Variants in CNBD1 observed in about 807,000 individuals in gnomAD.
CNBD1 encodes cyclic nucleotide binding domain containing 1.
Under a neutral mutation model 54.4 loss-of-function variants are expected in CNBD1, and 71 were observed. That is an observed-to-expected ratio of 1.30 (90% CI 1.08 to 1.59). The LOEUF is 1.59. Among genes scored for constraint, CNBD1 ranks in the 40% most tolerant of loss-of-function variants. The pLI is 0.00. For synonymous variants in CNBD1, 182 were observed against 170.7 expected (o/e 1.07, Z -0.51); for missense variants, 659 against 518.0 (o/e 1.27, Z -2.64).
chr8:87,184,882 G>C lies in CNBD1; in HGVS notation c.432-21111G>C, dbSNP rs1217343160. On this transcript the variant is annotated intron_variant, in intron 4 of 10. Transcript: ENST00000518476. Reference sequence around the variant, plus strand: ...CTATTTCCTTGTATATTTTCTTATAGCTACTATTTTAGTTGCATCTCCAAG... The same window carrying C: ...CTATTTCCTTGTATATTTTCTTATACCTACTATTTTAGTTGCATCTCCAAG... Among the ~76,000 whole-genome samples the C allele has an allele frequency of 2.0e-5, 3 of 151,972 alleles. No individual in the cohort carries two copies. In the East Asian group the frequency reaches 5.8e-4, roughly 29 times the overall value.
intron 4 of CNBD1, among the ~76,000 whole-genome samples, chr8:87,119,075 A>C (rs983403841): frequency 3.9e-5 from 6 of 152,206 alleles, no homozygotes; most frequent in Admixed American, 3.9e-4. Flanking sequence ...ATGTGAGAAC[A>C]CAGGCCTTTT....
At chr8:87,399,786 A>C (rs573559387) in intron 2 of CNBD1, among the ~76,000 whole-genome samples, 6 of 151,948 alleles carry the variant, frequency 3.9e-5, no homozygotes, top group Non-Finnish European at 8.8e-5. Context: ...GTGCTTGGAC[A>C]GTGATTATTT....
chr8:87,348,662 G>T (rs941142498), intron 8 of CNBD1, among the ~76,000 whole-genome samples: 1 of 152,110 alleles, frequency 6.6e-6, no homozygotes, highest in South Asian at 2.1e-4. Flanking sequence ...GTAGGCTGAG[G>T]TTTATCTTAA....
chr8:87,327,887 A>C (rs949845898), intron 8 of CNBD1, among the ~76,000 whole-genome samples: 2 of 151,902 alleles, frequency 1.3e-5, no homozygotes, highest in African/African-American at 2.4e-5. Context: ...TACTATCTTT[A>C]ATCCATTTTT....
At chr8:87,236,844 AAT>A in intron 5 of CNBD1, 73 bp from the exon 6 acceptor site, 1 of 784,204 alleles carries the variant, frequency 1.3e-6, no homozygotes, top group Non-Finnish European at 2.0e-6. Flanking sequence ...CCGTAAGTGT[AAT>A]ATATATATTA....
chr8:87,063,500 C>T (rs1052787577), intron 4 of CNBD1, among the ~76,000 whole-genome samples: 1 of 151,992 alleles, frequency 6.6e-6, no homozygotes, highest in South Asian at 2.1e-4. Flanking sequence ...TAGTTTTATG[C>T]TGACATTGTA....
intron 4 of CNBD1, among the ~76,000 whole-genome samples, chr8:87,189,218 T>C (rs1435811806): frequency 1.3e-5 from 2 of 152,204 alleles, no homozygotes; most frequent in Non-Finnish European, 2.9e-5. Flanking sequence ...TACCCTTTTT[T>C]GTGTGGCTAT....
At chr8:87,014,710 G>A (rs1809317187) in intron 4 of CNBD1, among the ~76,000 whole-genome samples, 1 of 151,460 alleles carries the variant, frequency 6.6e-6, no homozygotes, top group Admixed American at 6.6e-5. Context: ...AAAAATTATA[G>A]GAATACTTTT....
intron 4 of CNBD1, among the ~76,000 whole-genome samples, chr8:87,090,208 A>T (rs1308631423): frequency 6.6e-6 from 1 of 152,186 alleles, no homozygotes; most frequent in African/African-American, 2.4e-5. Flanking sequence ...ATGATTTGAG[A>T]ATATGCAGGA....
At chr8:87,424,907 G>A (rs1411142071) in intron 2 of CNBD1, among the ~76,000 whole-genome samples, 1 of 152,080 alleles carries the variant, frequency 6.6e-6, no homozygotes, top group Non-Finnish European at 1.5e-5. Context: ...ATAATATCCT[G>A]CAGAGTGTTT....
At chr8:86,899,137 A>G (rs1031934583) in intron 2 of CNBD1, among the ~76,000 whole-genome samples, 1 of 152,112 alleles carries the variant, frequency 6.6e-6, no homozygotes, top group Non-Finnish European at 1.5e-5. Flanking sequence ...GCAAATACAG[A>G]GATAGAGAAC....
intron 4 of CNBD1, among the ~76,000 whole-genome samples, chr8:86,951,704 TAC>T (rs1478720093): frequency 1.3e-5 from 2 of 151,654 alleles, no homozygotes; most frequent in East Asian, 1.9e-4. Flanking sequence ...TTGTTTAATT[TAC>T]AGTTATTTTA....
chr8:87,141,919 A>T (rs1413958235), intron 4 of CNBD1, among the ~76,000 whole-genome samples: 1 of 152,150 alleles, frequency 6.6e-6, no homozygotes, highest in Non-Finnish European at 1.5e-5. Context: ...TTAAATTTAT[A>T]CTGTAATTAT....
At chr8:87,370,731 A>C (rs1331211274) in intron 10 of CNBD1, among the ~76,000 whole-genome samples, 4 of 148,810 alleles carry the variant, frequency 2.7e-5, no homozygotes, top group East Asian at 4.0e-4. Context: ...CTTTAGTTTA[A>C]TTAGATCCCA....
At chr8:87,174,775 C>T (rs1813163188) in intron 4 of CNBD1, among the ~76,000 whole-genome samples, 1 of 152,096 alleles carries the variant, frequency 6.6e-6, no homozygotes, top group Non-Finnish European at 1.5e-5. Context: ...TAAGCCATGC[C>T]TTCATTAGGG....
At chr8:87,198,109 A>G (rs1409557373) in intron 4 of CNBD1, among the ~76,000 whole-genome samples, 4 of 152,274 alleles carry the variant, frequency 2.6e-5, no homozygotes, top group Non-Finnish European at 5.9e-5. Context: ...ATATACATTT[A>G]TTCAACAAAA....
At chr8:87,389,601 A>C (rs764901779) in intron 2 of CNBD1, among the ~76,000 whole-genome samples, 2 of 152,204 alleles carry the variant, frequency 1.3e-5, no homozygotes, top group Non-Finnish European at 2.9e-5. Flanking sequence ...GTAATAAAAG[A>C]GGATACAAAC....
chr8:87,395,184 A>T (rs981892773), intron 2 of CNBD1, among the ~76,000 whole-genome samples: 1 of 151,920 alleles, frequency 6.6e-6, no homozygotes, highest in South Asian at 2.1e-4. Context: ...CTCTACTTTC[A>T]TTAGTACCAC....
intron 6 of CNBD1, among the ~76,000 whole-genome samples, chr8:87,266,835 A>G (rs567998027): frequency 3.3e-5 from 5 of 152,182 alleles, no homozygotes; most frequent in African/African-American, 9.6e-5. Flanking sequence ...AGTTGGTTAT[A>G]CAGACAGAAA....
Sources: allele counts gnomAD v4.1 joint callset (sites outside exome capture counted in the v4.1 genomes callset), GRCh38; gene constraint gnomAD v4.1.1; transcripts MANE v1.5; gene names NCBI Gene and HGNC (gene_info 2026-07-23, HGNC 2026-07-21).